Variants in WDR88 observed in about 807,000 individuals in gnomAD.
WDR88 encodes WD repeat domain 88.
Under a neutral mutation model 46.8 loss-of-function variants are expected in WDR88, and 40 were observed. The ratio of observed to expected loss-of-function variants is 0.86; its 90% CI spans 0.66 to 1.11. The LOEUF is 1.11. Among genes scored for constraint, WDR88 ranks in the 50% most tolerant of loss-of-function variants. The pLI, the probability that WDR88 is intolerant of heterozygous loss-of-function variation, is 0.00. For synonymous variants in WDR88, 235 were observed against 240.7 expected, an observed-to-expected ratio of 0.98 and a Z score of 0.22; for missense variants, 562 against 602.4, an observed-to-expected ratio of 0.93 and a Z score of 0.70.
chr19:33,172,426 T>C lies in WDR88; in HGVS notation c.1228T>C (p.Leu410=). ...LVIKYKKAVG[L]KLKQCERCDR... ...AATCAAGTACAAAAAGGCCGTGGGC[T>C]TAAAGTTGAAACAGGTTGGTATTGG... The change falls in exon 10 of 11, where the codon TTA becomes CTA. Residue 410 remains leucine, a synonymous_variant. Transcript: ENST00000355868. 6.2e-7 allele frequency: 1 copy of C among 1,614,072 alleles called. No homozygotes were observed.
At chr19:33,170,901 G>A (rs1974027737) in intron 9 of WDR88, among the ~76,000 whole-genome samples, 1 of 152,084 alleles carries the variant, frequency 6.6e-6, no homozygotes, top group Non-Finnish European at 1.5e-5. Context: ...CTCATTAAGT[G>A]CTTCTGTACA....
At chr19:33,136,692 A>C (rs1473845556) in intron 1 of WDR88, among the ~76,000 whole-genome samples, 1 of 148,282 alleles carries the variant, frequency 6.7e-6, no homozygotes, top group East Asian at 2.1e-4. Flanking sequence ...CCTCCTGAGT[A>C]GTTGGGATTA....
chr19:33,165,818 G>A (rs11084711), intron 9 of WDR88, among the ~76,000 whole-genome samples: 24,578 of 150,894 alleles, frequency 0.16, 2,305 homozygotes, highest in East Asian at 0.3. Context: ...GCTTGAACCC[G>A]GGAGGCAGAG....
chr19:33,153,640 G>T (rs553045747), intron 6 of WDR88, among the ~76,000 whole-genome samples: 2 of 152,056 alleles, frequency 1.3e-5, no homozygotes, highest in East Asian at 3.9e-4. Flanking sequence ...GACTACAGGC[G>T]CCCGCCACCA....
At position 33,156,448 on chromosome 19, in the gene WDR88, C is replaced by T. The variant is rs143946570; in HGVS notation, c.903C>T (p.Asn301=). The change falls in exon 7 of 11, where the codon AAC becomes AAT. Residue 301 remains asparagine (N), a synonymous_variant. Coordinates refer to ENST00000355868, the MANE Select transcript of WDR88 (RefSeq NM_173479.4). ...SSWDKNLKIW[N]VHTGEFRNCG... ...GGGATAAAAACTTAAAAATATGGAA[C>T]GTCCACACAGGGGAGTTTCGAAACT... The T allele has an allele frequency of 3.8e-5, 62 of 1,614,152 alleles. No individual in the cohort carries two copies. In the African/African-American group the frequency reaches 6.3e-4, roughly 16 times the overall value.
At chr19:33,150,321 G>T (rs1048264950) in intron 5 of WDR88, among the ~76,000 whole-genome samples, 1 of 151,982 alleles carries the variant, frequency 6.6e-6, no homozygotes, top group Non-Finnish European at 1.5e-5. Context: ...GCGTGGTGGC[G>T]GGCACCTGTA....
intron 3 of WDR88, among the ~76,000 whole-genome samples, chr19:33,145,589 T>G (rs1208705759): frequency 6.6e-6 from 1 of 151,702 alleles, no homozygotes; most frequent in African/African-American, 2.4e-5. Flanking sequence ...GGCTGGAGTA[T>G]AGTGGTGCGA....
At chr19:33,135,810 T>C (rs1211044386) in intron 1 of WDR88, among the ~76,000 whole-genome samples, 1 of 152,244 alleles carries the variant, frequency 6.6e-6, no homozygotes. Flanking sequence ...CCAACACTTG[T>C]TATGGGACTT....
chr19:33,134,507 TTTTAATG>T (rs1377616079), intron 1 of WDR88, among the ~76,000 whole-genome samples: 4 of 152,068 alleles, frequency 2.6e-5, no homozygotes, highest in African/African-American at 9.7e-5. Context: ...TAATTTCAAT[TTTTAATG>T]ATAGTTGGGT....
intron 2 of WDR88, among the ~76,000 whole-genome samples, chr19:33,138,038 ATT>A (rs745407325): frequency 7.9e-5 from 11 of 139,822 alleles, no homozygotes; most frequent in Admixed American, 1.4e-4. Flanking sequence ...AGTGCCACAC[ATT>A]TTTTTTTTTT....
rs754213158 is a variant in WDR88 at position 33,175,628 on chromosome 19, G to A, written c.*56G>A. 13 of 1,602,158 alleles carry A rather than the reference G, an allele frequency of 8.1e-6. No individual in the cohort carries two copies. Among genetic ancestry groups the A allele is most frequent in the South Asian group, 1.1e-5 (1 of 89,864 alleles). ...ACAGGCTACCTAGCATGTAGGTTTC[G>A]GGGCTTTGCAGGGGCTTTCTCTTGG... On this transcript the variant is annotated 3_prime_UTR_variant, in exon 11 of 11. Transcript: ENST00000355868.
intron 1 of WDR88, among the ~76,000 whole-genome samples, chr19:33,132,701 G>T (rs1431824335): frequency 6.6e-6 from 1 of 152,232 alleles, no homozygotes; most frequent in East Asian, 1.9e-4. Flanking sequence ...GCTGGGAGGA[G>T]GCTCTGCCCC....
chr19:33,157,737 A>AT (rs1973789136), intron 7 of WDR88, among the ~76,000 whole-genome samples: 5 of 50,368 alleles, frequency 9.9e-5, no homozygotes, highest in African/African-American at 3.6e-4. Flanking sequence ...ATATATATAT[A>AT]AAATTAAAGA....
At chr19:33,175,040 G>A (rs1302194331) in intron 10 of WDR88, 20 of 974,868 alleles carry the variant, frequency 2.1e-5, no homozygotes, top group Non-Finnish European at 1.7e-5. Context: ...TTCAAGACCA[G>A]CCTGGCCAAC....
At chr19:33,145,923 A>C (rs1038123124) in intron 3 of WDR88, among the ~76,000 whole-genome samples, 6 of 152,208 alleles carry the variant, frequency 3.9e-5, no homozygotes, top group Admixed American at 3.9e-4. Context: ...TTGTACAAGA[A>C]AACATTTCAG....
chr19:33,136,102 C>A (rs1484577405), intron 1 of WDR88, among the ~76,000 whole-genome samples: 5 of 151,154 alleles, frequency 3.3e-5, no homozygotes, highest in Non-Finnish European at 5.9e-5. Flanking sequence ...GTTGCCCAGG[C>A]TGGAGTGCAA....
At chr19:33,145,003 G>A in intron 3 of WDR88, 71 bp downstream of exon 3, 1 of 1,435,318 alleles carries the variant, frequency 7.0e-7, no homozygotes, top group South Asian at 1.2e-5. Flanking sequence ...GTATGCCTGT[G>A]ACATTTTTGT....
At position 33,147,716 on chromosome 19, in the gene WDR88, T is replaced by C; in HGVS notation, c.540+8T>C. The C allele has an allele frequency of 6.2e-7, 1 of 1,613,746 alleles. No homozygotes were observed. Among genetic ancestry groups the C allele is most frequent in the Non-Finnish European group, 8.5e-7 (1 of 1,179,794 alleles). On this transcript the variant is annotated splice_region_variant and intron_variant, in intron 4 of 10. Coordinates refer to ENST00000355868, the MANE Select transcript of WDR88 (RefSeq NM_173479.4). ...GAGACAGGCAAGCTGCTGGTACGTA[T>C]GCCTGTCCAGTGGGGGCGTTGGTTG...
At position 33,138,284 on chromosome 19, in the gene WDR88, T is replaced by G. The variant is rs138763404; in HGVS notation, c.387+497T>G. Among the ~76,000 whole-genome samples the G allele has an allele frequency of 3.1e-4, 47 of 152,268 alleles. 1 individual carries two copies. The East Asian group carries it at 8.9e-3, about 29-fold the overall frequency. ...TCAGGCTGGTCTTGAACTCCTGACC[T>G]CAGGTGATCCACCCACCTCGGCCTC... On this transcript the variant is annotated intron_variant, in intron 2 of 10. Transcript: ENST00000355868.
Sources: allele counts gnomAD v4.1 joint callset (sites outside exome capture counted in the v4.1 genomes callset), GRCh38; gene constraint gnomAD v4.1.1; transcripts MANE v1.5; gene names NCBI Gene and HGNC (gene_info 2026-07-23, HGNC 2026-07-21).